The following IFT46 variants were observed in gnomAD, a reference collection of about 807,000 sequenced individuals.
The protein encoded by IFT46 is intraflagellar transport 46.
IFT46 carries 19 observed loss-of-function variants against 39.6 expected under a neutral mutation model. The ratio of observed to expected loss-of-function variants is 0.48; its 90% confidence interval spans 0.33 to 0.70. The LOEUF is 0.70. Ranked by LOEUF, IFT46 falls within the 30% of genes least tolerant of loss-of-function variation. The probability of loss-of-function intolerance (pLI) is 0.01; values close to 1 mark genes in which losing one functional copy is unlikely to be tolerated. For missense variants in IFT46, 334 were observed against 364.8 expected (o/e 0.92, Z 0.69); for synonymous variants, 117 against 134.8 (o/e 0.87, Z 0.91).
intron 7 of IFT46, among the ~76,000 whole-genome samples, chr11:118,553,706 A>G (rs78652312): frequency 0.012 from 1,894 of 152,328 alleles, 32 homozygotes; most frequent in African/African-American, 0.039. Flanking sequence ...CTTGTATACA[A>G]ATATTCAAAG....
intron 2 of IFT46, chr11:118,561,242 G>C (rs1451733206): frequency 1.5e-6 from 2 of 1,367,820 alleles, no homozygotes; most frequent in South Asian, 2.3e-5. Context: ...TTATGATTCT[G>C]AAAGCAAGGA....
In IFT46 at chr11:118,554,587, C is replaced by G. The variant is rs782583366; in HGVS notation, c.355G>C (p.Val119Leu). The change falls in exon 7 of 12, where the codon GTC becomes CTC. Residue 119 changes from valine (V) to leucine (L), a missense_variant and splice_region_variant. Val to Leu is a conservative substitution (Grantham distance 32, BLOSUM62 1). Coordinates refer to ENST00000264021, the MANE Select transcript of IFT46 (RefSeq NM_001168618.2). Reference sequence around the variant, plus strand: ...TCAGGCTTTCCATCAGGACGTGGGACCTGGTTAAGAAAAAGGTAAGAAAGC... The same window carrying G: ...TCAGGCTTTCCATCAGGACGTGGGAGCTGGTTAAGAAAAAGGTAAGAAAGC... The part of the protein sequence containing the change: ...AVGDIDAFLK[V>L]PRPDGKPDNL... 1.3e-6 allele frequency: 2 copies of G among 1,590,396 alleles called. No individual in the cohort carries two copies.
chr11:118,556,772 A>T, intron 4 of IFT46, 134 bp downstream of exon 4: 1 of 1,092,880 alleles, frequency 9.2e-7, no homozygotes, highest in East Asian at 2.6e-5. Flanking sequence ...TGGGTTTCTG[A>T]GACATCTGAA....
chr11:118,576,441 A>AAC (rs1555073650), upstream of IFT46, among the ~76,000 whole-genome samples: 2 of 148,574 alleles, frequency 1.3e-5, no homozygotes, highest in Non-Finnish European at 3.0e-5. Flanking sequence ...AAAAAAAAAA[A>AAC]AAAAAAAACC....
chr11:118,569,358 C>T (rs1938291875), upstream of IFT46, among the ~76,000 whole-genome samples: 1 of 150,510 alleles, frequency 6.6e-6, no homozygotes, highest in Non-Finnish European at 1.5e-5. Context: ...TTTGGGGGGA[C>T]AAGATGGGAG....
chr11:118,572,408 C>A, intron 1 of IFT46: 1 of 499,968 alleles, frequency 2.0e-6, no homozygotes, highest in South Asian at 3.8e-5. Flanking sequence ...TTGGGGCCGC[C>A]ATCTTGGCAA....
chr11:118,548,895 T>C (rs1555067818), intron 9 of IFT46, among the ~76,000 whole-genome samples: 1 of 142,078 alleles, frequency 7.0e-6, no homozygotes, highest in Non-Finnish European at 1.5e-5. Flanking sequence ...CATTATGACT[T>C]TTTTTTTTTT....
In IFT46 at chr11:118,554,466, T is replaced by C. The variant is rs1371260791; in HGVS notation, c.476A>G (p.Asn159Ser). Residue 159 changes from asparagine to serine, a missense_variant, in exon 7 of 12, where the codon AAC becomes AGC. Asn to Ser is a conservative substitution (Grantham distance 46). Coordinates refer to ENST00000264021, the MANE Select transcript of IFT46 (RefSeq NM_001168618.2). ...ACTAAGCTAGTATCTTACTGTGATGTTGTGCTGCTTAGAATTCTCTGTTAA... is the reference window on the plus strand; with the variant it reads ...ACTAAGCTAGTATCTTACTGTGATGCTGTGCTGCTTAGAATTCTCTGTTAA... Reference protein sequence around the residue: ...LWLTENSKQHNITQHMKVKSL... With the variant: ...LWLTENSKQHSITQHMKVKSL... 6.2e-7 allele frequency: 1 copy of C among 1,608,714 alleles called. No homozygotes were observed. Among genetic ancestry groups the C allele is most frequent in the African/African-American group, 1.3e-5 (1 of 74,688 alleles).
intron 3 of IFT46, among the ~76,000 whole-genome samples, chr11:118,558,731 C>A (rs1937925675): frequency 6.6e-6 from 1 of 151,430 alleles, no homozygotes; most frequent in African/African-American, 2.4e-5. Context: ...GTGTGGCCAA[C>A]ATGGCAAAAC....
At position 118,544,829 on chromosome 11, in the gene IFT46, G is replaced by T; in HGVS notation, c.*87C>A. The T allele has an allele frequency of 1.1e-6, 1 of 926,920 alleles. No individual in the cohort carries two copies. Among genetic ancestry groups the T allele is most frequent in the South Asian group, 1.4e-5 (1 of 71,510 alleles). The allele number at this position is 926,920 out of a possible 1,614,324, so 57.4% of individuals were successfully genotyped here. ...CTGAGCCAAGCTGTGGCATGGGCAA[G>T]GACATCAAGTAGCTGACAACGATCT... On this transcript the variant is annotated 3_prime_UTR_variant, in exon 12 of 12. Transcript: ENST00000264021.
At chr11:118,562,103 C>T (rs1393344934) in intron 2 of IFT46, among the ~76,000 whole-genome samples, 5 of 151,978 alleles carry the variant, frequency 3.3e-5, no homozygotes, top group African/African-American at 4.8e-5. Flanking sequence ...GGTGAAACCC[C>T]GTCTCTACTA....
intron 9 of IFT46, among the ~76,000 whole-genome samples, chr11:118,549,848 G>A (rs1555068008): frequency 1.3e-5 from 2 of 150,358 alleles, no homozygotes; most frequent in South Asian, 2.1e-4. Context: ...AACAGAGATG[G>A]GTCTATGTTG....
chr11:118,557,923 T>C (rs370769931), intron 3 of IFT46: 63 of 1,541,170 alleles, frequency 4.1e-5, no homozygotes, highest in East Asian at 6.8e-5. Context: ...CCTTTAAAAG[T>C]AGGTTTTCAA....
Position 118,554,144 on chromosome 11 carries a change from G to A in IFT46, c.483+315C>T, listed in dbSNP as rs185605262. On this transcript the variant is annotated intron_variant, in intron 7 of 11. Transcript: ENST00000264021. ...CGACTCACTGCAAGCTCCGCCTCCCGGGTTCACACCATTCTCCTGTCTCAG... is the reference window on the plus strand; with the variant it reads ...CGACTCACTGCAAGCTCCGCCTCCCAGGTTCACACCATTCTCCTGTCTCAG... Among the ~76,000 whole-genome samples the A allele has an allele frequency of 2.7e-4, 40 of 150,622 alleles. No individual in the cohort carries two copies. In the East Asian group the frequency reaches 6.8e-3, roughly 26 times the overall value.
At chr11:118,572,455 C>A in intron 1 of IFT46, 1 of 1,368,616 alleles carries the variant, frequency 7.3e-7, no homozygotes, top group Non-Finnish European at 1.0e-6. Flanking sequence ...AAGGGGGCAG[C>A]AGGTCCAGAG....
intron 10 of IFT46, 133 bp from the exon 11 acceptor site, chr11:118,545,627 A>T: frequency 9.5e-7 from 1 of 1,048,008 alleles, no homozygotes; most frequent in Non-Finnish European, 1.5e-6. Flanking sequence ...CCCAGCAGGT[A>T]GTCACATAAG....
Position 118,561,314 on chromosome 11 carries a change from T to C in IFT46, c.-35-1450A>G, listed in dbSNP as rs150878099. On this transcript the variant is annotated intron_variant, in intron 2 of 11. Transcript: ENST00000264021. ...CCAGAATGTTGCAGATTACATGCAC[T>C]ACTTAACAGAAGAAGATGAAGATGC... 1,603 of 1,068,532 alleles carry C rather than the reference T, an allele frequency of 1.5e-3. 13 individuals carry two copies. In the African/African-American group the frequency reaches 0.019, roughly 13 times the overall value. 66.2% of individuals were successfully genotyped at this position (1,068,532 alleles called of 1,614,324 possible). A position where few individuals can be genotyped will look rare whatever the true frequency, so the allele number is the denominator to read the frequency against.
At chr11:118,572,523 G>A in intron 1 of IFT46, 3 of 1,611,350 alleles carry the variant, frequency 1.9e-6, no homozygotes, top group East Asian at 2.2e-5. Context: ...CCGGAGTGCG[G>A]GCGCGCCCCA....
At chr11:118,551,964 A>G (rs1937656026) in intron 8 of IFT46, 112 bp from the exon 9 acceptor site, 1 of 1,153,022 alleles carries the variant, frequency 8.7e-7, no homozygotes, top group East Asian at 2.4e-5. Flanking sequence ...CACATCAGGA[A>G]GGCTTCAGGA....
Sources: gnomAD v4.1 joint callset for allele counts (sites outside exome capture counted in the v4.1 genomes callset) on GRCh38, gnomAD v4.1.1 for gene constraint, MANE v1.5 for transcripts, NCBI Gene and HGNC (gene_info 2026-07-23, HGNC 2026-07-21) for gene names.